The following FRMD4B variants were observed in gnomAD, a reference collection of about 807,000 sequenced individuals.
The protein encoded by FRMD4B is FERM domain containing 4B.
FRMD4B carries 74 observed loss-of-function variants against 141.5 expected under a neutral mutation model. The observed-to-expected ratio is 0.52, with a 90% CI of 0.43 to 0.63. The LOEUF (loss-of-function observed/expected upper bound fraction) is 0.63, where lower values mean the gene tolerates loss of function less well. FRMD4B is among the 30% of genes least tolerant of loss of function. The pLI, the probability that FRMD4B is intolerant of heterozygous loss-of-function variation, is 0.00. For missense variants in FRMD4B, 1,366 were observed against 1,253.4 expected (o/e 1.09, Z -1.36); for synonymous variants, 506 against 467.9 (o/e 1.08, Z -1.05).
intron 1 of FRMD4B, among the ~76,000 whole-genome samples, chr3:69,434,147 G>T (rs1705224566): frequency 6.6e-6 from 1 of 152,192 alleles, no homozygotes; most frequent in South Asian, 2.1e-4. Flanking sequence ...CACGTGCAAA[G>T]AACTAGTTAA....
chr3:69,188,044 T>C (rs2092789277), intron 18 of FRMD4B, 127 bp from the exon 19 acceptor site: 2 of 650,388 alleles, frequency 3.1e-6, no homozygotes, highest in Admixed American at 3.1e-5. Flanking sequence ...AAAGATGATA[T>C]TTTTAGAAGA....
chr3:69,211,039 AAG>A (rs1553702078), intron 11 of FRMD4B, among the ~76,000 whole-genome samples: 11 of 145,768 alleles, frequency 7.5e-5, no homozygotes, highest in African/African-American at 3.1e-4. Context: ...AAAAAAAAAA[AAG>A]AAAGAAAATT....
At chr3:69,343,153 TA>T (rs1387644644) in intron 1 of FRMD4B, among the ~76,000 whole-genome samples, 1 of 152,106 alleles carries the variant, frequency 6.6e-6, no homozygotes, top group Non-Finnish European at 1.5e-5. Flanking sequence ...AGGGTCTTGC[TA>T]TGTTGTCCAG....
At chr3:69,383,919 T>C (rs1035167997) in intron 1 of FRMD4B, among the ~76,000 whole-genome samples, 1 of 151,762 alleles carries the variant, frequency 6.6e-6, no homozygotes, top group African/African-American at 2.4e-5. Flanking sequence ...TTTTGAAATG[T>C]ACAATTGATT....
At chr3:69,508,242 A>G (rs1300125598) in intron 1 of FRMD4B, among the ~76,000 whole-genome samples, 1 of 152,198 alleles carries the variant, frequency 6.6e-6, no homozygotes, top group Admixed American at 6.5e-5. Context: ...AAAAATAAAA[A>G]CTTTTATTTT....
At chr3:69,251,878 T>C (rs978489541) in intron 5 of FRMD4B, among the ~76,000 whole-genome samples, 1 of 152,172 alleles carries the variant, frequency 6.6e-6, no homozygotes, top group South Asian at 2.1e-4. Flanking sequence ...CATTCCTTAG[T>C]TCAAAGAAAA....
intron 1 of FRMD4B, among the ~76,000 whole-genome samples, chr3:69,491,783 A>G (rs1295731154): frequency 2.0e-5 from 3 of 152,218 alleles, no homozygotes; most frequent in South Asian, 2.1e-4. Flanking sequence ...TAGATTCACA[A>G]GAGGAATGAA....
At position 69,443,173 on chromosome 3, in the gene FRMD4B, G is replaced by A. The variant is rs561939975; in HGVS notation, c.-128-10412C>T. On this transcript the variant is annotated intron_variant, in intron 1 of 5. Coordinates refer to the FRMD4B transcript ENST00000459638. ...CCCCTGACCCCCAGGGAGGGGAGAGGGGCTGGAGGTTGAGTTCAGTCACCA... is the reference window on the plus strand; with the variant it reads ...CCCCTGACCCCCAGGGAGGGGAGAGAGGCTGGAGGTTGAGTTCAGTCACCA... Among the ~76,000 whole-genome samples, 4 of 152,226 alleles carry A rather than the reference G, an allele frequency of 2.6e-5. No homozygotes were observed. The East Asian group carries it at 7.8e-4, about 30-fold the overall frequency.
intron 19 of FRMD4B, among the ~76,000 whole-genome samples, chr3:69,183,229 A>G (rs1459985528): frequency 6.6e-6 from 1 of 152,202 alleles, no homozygotes; most frequent in Admixed American, 6.5e-5. Context: ...GTGTTCCAAG[A>G]AAATGACCTA....
chr3:69,505,693 C>T (rs1020442109), intron 1 of FRMD4B, among the ~76,000 whole-genome samples: 1 of 152,214 alleles, frequency 6.6e-6, no homozygotes, highest in African/African-American at 2.4e-5. Flanking sequence ...TTATTTACAA[C>T]ATGTTACAGA....
intron 1 of FRMD4B, among the ~76,000 whole-genome samples, chr3:69,341,017 T>C (rs1017648798): frequency 1.4e-4 from 21 of 151,058 alleles, no homozygotes; most frequent in Non-Finnish European, 2.7e-4. Flanking sequence ...AAAAAAGGAG[T>C]TGCATATTCA....
At chr3:69,471,704 G>T in intron 1 of FRMD4B, 1 of 166,184 alleles carries the variant, frequency 6.0e-6, no homozygotes, top group South Asian at 1.6e-4. Flanking sequence ...TACATGTTTT[G>T]GATTGTTTGG....
At chr3:69,246,558 G>A (rs1223140610) in intron 7 of FRMD4B, among the ~76,000 whole-genome samples, 1 of 152,184 alleles carries the variant, frequency 6.6e-6, no homozygotes, top group East Asian at 1.9e-4. Flanking sequence ...GAGAAGATCA[G>A]ATAGGGAGAG....
At chr3:69,175,199 A>T (rs1384852717) in intron 22 of FRMD4B, among the ~76,000 whole-genome samples, 3 of 152,218 alleles carry the variant, frequency 2.0e-5, no homozygotes, top group African/African-American at 7.2e-5. Context: ...TGTATAACTT[A>T]GTATGTAGTC....
chr3:69,501,569 A>G (rs1706498433), intron 1 of FRMD4B, among the ~76,000 whole-genome samples: 1 of 152,224 alleles, frequency 6.6e-6, no homozygotes, highest in Admixed American at 6.5e-5. Flanking sequence ...GGCTGAGGTA[A>G]TATCACACTG....
chr3:69,452,403 C>A (rs139046183), intron 1 of FRMD4B, among the ~76,000 whole-genome samples: 50 of 152,328 alleles, frequency 3.3e-4, no homozygotes, highest in African/African-American at 1.2e-3. Context: ...TGCCACTTAC[C>A]GAGTGGGTGA....
At chr3:69,378,842 C>A (rs1704041752) in intron 1 of FRMD4B, among the ~76,000 whole-genome samples, 1 of 151,992 alleles carries the variant, frequency 6.6e-6, no homozygotes, top group African/African-American at 2.4e-5. Context: ...TTATAATCCC[C>A]AACAAAAGTC....
chr3:69,476,004 T>C (rs1305672456), intron 1 of FRMD4B, among the ~76,000 whole-genome samples: 1 of 151,650 alleles, frequency 6.6e-6, no homozygotes, highest in African/African-American at 2.4e-5. Flanking sequence ...ATAAATGTCT[T>C]CTTTTGAGAA....
rs184926915 is a variant in FRMD4B, at chr3:69,358,150, T to C, written c.162+27678A>G. ...GTTTTTAATCTTTTATCAATCTGTATGTCAGAGCTCCTTGGATACCTGATG... is the reference window on the plus strand; with the variant it reads ...GTTTTTAATCTTTTATCAATCTGTACGTCAGAGCTCCTTGGATACCTGATG... On this transcript the variant is annotated intron_variant, in intron 1 of 22. Coordinates refer to ENST00000398540, the MANE Select transcript of FRMD4B (RefSeq NM_015123.3). 5.3e-5 allele frequency among the ~76,000 whole-genome samples: 8 copies of C among 152,336 alleles called. No individual in the cohort carries two copies. In the East Asian group the frequency reaches 1.5e-3, roughly 29 times the overall value.
Sources: allele counts gnomAD v4.1 joint callset (sites outside exome capture counted in the v4.1 genomes callset), GRCh38; gene constraint gnomAD v4.1.1; transcripts MANE v1.5; gene names NCBI Gene and HGNC (gene_info 2026-07-23, HGNC 2026-07-21).